TLDC2: variants seen among roughly 807,000 people sequenced by gnomAD.
The protein encoded by TLDC2 is TBC/LysM-associated domain containing 2, also known as TLD domain-containing protein 2.
TLDC2 carries 23 observed loss-of-function variants against 27.9 expected under a neutral mutation model. The ratio of observed to expected loss-of-function variants is 0.82; its 90% CI spans 0.59 to 1.17. The LOEUF (loss-of-function observed/expected upper bound fraction) is 1.17, where lower values mean the gene tolerates loss of function less well. Among genes scored for constraint, TLDC2 ranks in the 50% most tolerant of loss-of-function variants. The probability of loss-of-function intolerance (pLI) is 0.00; values close to 1 mark genes in which losing one functional copy is unlikely to be tolerated. For synonymous variants in TLDC2, 124 were observed against 107.4 expected (o/e 1.16, Z -0.96); for missense variants, 286 against 273.4 (o/e 1.05, Z -0.32).
rs750965438 is a variant in TLDC2, at chr20:36,889,257, G to A, written c.519G>A (p.Arg173=). The A allele has an allele frequency of 1.2e-6, 2 of 1,614,140 alleles. No individual in the cohort carries two copies. The highest frequency in any genetic ancestry group is 8.5e-7 in the Non-Finnish European group (1 of 1,180,010). The change falls in exon 6 of 7, where the codon CGG becomes CGA. Residue 173 remains arginine, a synonymous_variant. Transcript: ENST00000217320. ...DSLMMGSGSG[R]FGLWLDGDLF... ...ACTGTCCTCTTCTCTCTAGTGGCCGGTTTGGGCTGTGGTTGGATGGAGACT... is the reference window on the plus strand; with the variant it reads ...ACTGTCCTCTTCTCTCTAGTGGCCGATTTGGGCTGTGGTTGGATGGAGACT...
At chr20:36,892,133 C>T (rs1990090127) in intron 6 of TLDC2, 1 of 152,362 alleles carries the variant, frequency 6.6e-6, no homozygotes, top group African/African-American at 2.4e-5. Flanking sequence ...GGTAGGATCT[C>T]CCAACAAGAG....
At chr20:36,886,323 C>A (rs1481710153) in intron 4 of TLDC2, among the ~76,000 whole-genome samples, 1 of 152,084 alleles carries the variant, frequency 6.6e-6, no homozygotes, top group Non-Finnish European at 1.5e-5. Context: ...GGGCCGGGCG[C>A]AGTGGCTCGA....
intron 6 of TLDC2, chr20:36,890,764 A>G (rs1307420969): frequency 6.6e-6 from 1 of 152,150 alleles, no homozygotes; most frequent in Non-Finnish European, 1.5e-5. Flanking sequence ...AGGCATGACC[A>G]CCTCGCCTGG....
chr20:36,879,296 A>G, intron 3 of TLDC2, 103 bp downstream of exon 3: 1 of 1,423,424 alleles, frequency 7.0e-7, no homozygotes, highest in Non-Finnish European at 9.3e-7. Flanking sequence ...AGAGTGACAG[A>G]CTAAGTCACC....
At chr20:36,883,650 G>C (rs935293006) in intron 4 of TLDC2, among the ~76,000 whole-genome samples, 2 of 152,128 alleles carry the variant, frequency 1.3e-5, no homozygotes, top group Admixed American at 1.3e-4. Flanking sequence ...CCTTCTCTCT[G>C]TCTATATTCG....
Position 36,876,166 on chromosome 20 carries a change from G to A in TLDC2, c.-9G>A. 6.2e-7 allele frequency: 1 copy of A among 1,614,182 alleles called. No individual in the cohort carries two copies. Among genetic ancestry groups the A allele is most frequent in the Non-Finnish European group, 8.5e-7 (1 of 1,180,012 alleles). ...CACTGCCCACGGCCGGCTGAGCAGG[G>A]ACAGGAGAATGAGAGGCCTCCGCTG... On this transcript the variant is annotated 5_prime_UTR_variant, in exon 1 of 7. Coordinates refer to ENST00000217320, the MANE Select transcript of TLDC2 (RefSeq NM_080628.3).
rs142281657 is a variant in TLDC2 at position 36,878,013 on chromosome 20, A to T, written c.148A>T (p.Thr50Ser). ...TGAGGATCCCACGGTGCCCCAGCTG[A>T]CAGAAGCCAGCCAGGTTTTGAGTGC... ...APEDPTVPQL[T>S]EASQVLSASE... The change falls in exon 2 of 7, where the codon ACA becomes TCA. Residue 50 changes from threonine to serine, a missense_variant. Coordinates refer to ENST00000217320, the MANE Select transcript of TLDC2 (RefSeq NM_080628.3). 3.7e-6 allele frequency: 6 copies of T among 1,613,902 alleles called. No homozygotes were observed. The East Asian group carries it at 8.9e-5, about 24-fold the overall frequency.
At chr20:36,876,559 T>G (rs568871281) in intron 1 of TLDC2, among the ~76,000 whole-genome samples, 1 of 152,186 alleles carries the variant, frequency 6.6e-6, no homozygotes, top group Non-Finnish European at 1.5e-5. Flanking sequence ...TCTCAGCCCT[T>G]GAGAGGTCTC....
At chr20:36,889,738 C>G in intron 6 of TLDC2, 2 of 182,380 alleles carry the variant, frequency 1.1e-5, no homozygotes, top group Admixed American at 6.2e-5. Context: ...TCGCCAGCTA[C>G]TGAACGAGGA....
intron 6 of TLDC2, 106 bp from the exon 7 acceptor site, chr20:36,892,756 G>A: frequency 1.3e-6 from 1 of 785,078 alleles, no homozygotes. Context: ...AGTATAGTAA[G>A]ATTTGCCTAA....
rs1269278007 is a variant in TLDC2 at position 36,892,936 on chromosome 20, A to T, written c.*92A>T. The T allele has an allele frequency of 1.2e-6, 2 of 1,613,948 alleles. No homozygotes were observed. Among genetic ancestry groups the T allele is most frequent in the Admixed American group, 1.7e-5 (1 of 59,992 alleles). On this transcript the variant is annotated 3_prime_UTR_variant, in exon 7 of 7. Transcript: ENST00000217320. ...TAAACAACTGACTACAGACATTCACATTGGGTCATCTTTAAAAAGCTGGAC... is the reference window on the plus strand; with the variant it reads ...TAAACAACTGACTACAGACATTCACTTTGGGTCATCTTTAAAAAGCTGGAC...
At chr20:36,890,145 G>C (rs1032133475) in intron 6 of TLDC2, 1 of 152,202 alleles carries the variant, frequency 6.6e-6, no homozygotes, top group Admixed American at 6.5e-5. Context: ...CACAATGAAG[G>C]TATGAAAGGA....
rs757961429 is a variant in TLDC2, at chr20:36,889,256, G to A, written c.518G>A (p.Arg173Gln). Residue 173 changes from arginine (R) to glutamine (Q), a missense_variant, in exon 6 of 7, where the codon CGG becomes CAG. Physicochemically the swap from Arg to Gln is conservative, Grantham distance 43. Transcript: ENST00000217320. ...DSLMMGSGSGRFGLWLDGDLF... is the reference protein window; with the variant it reads ...DSLMMGSGSGQFGLWLDGDLF... ...GACTGTCCTCTTCTCTCTAGTGGCC[G>A]GTTTGGGCTGTGGTTGGATGGAGAC... 163 of 1,613,952 alleles carry A rather than the reference G, an allele frequency of 1.0e-4. No homozygotes were observed. The highest frequency in any genetic ancestry group is 1.3e-4 in the Non-Finnish European group (159 of 1,179,992).
At position 36,887,459 on chromosome 20, in the gene TLDC2, T is replaced by C. The variant is rs940002576; in HGVS notation, c.443T>C (p.Phe148Ser). Residue 148 changes from phenylalanine (F) to serine (S), a missense_variant, in exon 5 of 7, where the codon TTT becomes TCT. Transcript: ENST00000217320. ...LFSFSPQLKVFKWTGSNSFFV... is the reference protein window; with the variant it reads ...LFSFSPQLKVSKWTGSNSFFV... ...CTTTCCCTATGTATCACCCAGGTCT[T>C]TAAGTGGACTGGAAGCAACTCTTTC... The C allele has an allele frequency of 6.2e-7, 1 of 1,613,976 alleles. No individual in the cohort carries two copies. The highest frequency in any genetic ancestry group is 8.5e-7 in the Non-Finnish European group (1 of 1,179,876).
At chr20:36,892,634 A>G (rs922979142) in intron 6 of TLDC2, 1 of 397,588 alleles carries the variant, frequency 2.5e-6, no homozygotes, top group African/African-American at 2.1e-5. Context: ...CTCTTAAAAA[A>G]GAAAAAAAAT....
rs989504207 is a variant in TLDC2, at chr20:36,894,134, A to C, written c.*1290A>C. 1 of 394,638 alleles carries C rather than the reference A, an allele frequency of 2.5e-6. No homozygotes were observed. The highest frequency in any genetic ancestry group is 4.4e-5 in the Admixed American group (1 of 22,608). The allele number at this position is 394,638 out of a possible 1,614,324, so 24.4% of individuals were successfully genotyped here. On this transcript the variant is annotated 3_prime_UTR_variant, in exon 7 of 7. Transcript: ENST00000217320. ...GAATCACTGTCCTCTATGCTCATTTAGCTCTGCCAAAACTTTTGTATCTCA... is the reference window on the plus strand; with the variant it reads ...GAATCACTGTCCTCTATGCTCATTTCGCTCTGCCAAAACTTTTGTATCTCA...
chr20:36,881,578 G>A (rs1177675596), intron 4 of TLDC2, among the ~76,000 whole-genome samples: 3 of 152,194 alleles, frequency 2.0e-5, no homozygotes, highest in African/African-American at 4.8e-5. Context: ...TCGGCTGCTC[G>A]GCGCAGGCCT....
At chr20:36,888,765 A>G (rs1056246619) in intron 5 of TLDC2, among the ~76,000 whole-genome samples, 4 of 150,436 alleles carry the variant, frequency 2.7e-5, no homozygotes, top group Admixed American at 6.7e-5. Context: ...TCACACCTGT[A>G]ATCCCAGCAC....
intron 6 of TLDC2, chr20:36,892,536 G>A (rs1386842681): frequency 3.8e-6 from 1 of 262,166 alleles, no homozygotes; most frequent in Admixed American, 5.1e-5. Flanking sequence ...CATGACTTTA[G>A]TCCCAGCTAC....
Sources: allele counts gnomAD v4.1 joint callset (sites outside exome capture counted in the v4.1 genomes callset), GRCh38; gene constraint gnomAD v4.1.1; transcripts MANE v1.5; gene names NCBI Gene and HGNC (gene_info 2026-07-23, HGNC 2026-07-21).